Variants in RAB38 observed in about 807,000 individuals in gnomAD.
The protein encoded by RAB38 is RAB38, member RAS oncogene family, also known as ras-related protein Rab-38.
Under a neutral mutation model 18.4 loss-of-function variants are expected in RAB38, and 15 were observed. The ratio of observed to expected loss-of-function variants is 0.82; its 90% confidence interval spans 0.55 to 1.26. The LOEUF is 1.26. Ranked by LOEUF, RAB38 falls within the 50% of genes most tolerant of loss-of-function variation. The pLI is 0.00. For missense variants in RAB38, 294 were observed against 267.4 expected (o/e 1.10, Z -0.69); for synonymous variants, 101 against 104.4 (o/e 0.97, Z 0.20).
At chr11:88,015,935 T>C in the RAB38 span, among the ~76,000 whole-genome samples, 1 of 152,156 alleles carries the variant, frequency 6.6e-6, no homozygotes, top group Non-Finnish European at 1.5e-5. Flanking sequence ...GAGATAGAGA[T>C]CCTTGTACTT....
the RAB38 span, among the ~76,000 whole-genome samples, chr11:87,944,679 T>A: frequency 3.5e-4 from 54 of 152,298 alleles, no homozygotes; most frequent in African/African-American, 1.2e-3. Context: ...TTTTCTACTC[T>A]ATACCTTCCA....
chr11:87,899,771 C>T, the RAB38 span, among the ~76,000 whole-genome samples: 8 of 151,618 alleles, frequency 5.3e-5, no homozygotes, highest in African/African-American at 1.9e-4. Context: ...ATAAACAGTT[C>T]TTTAAGTGTA....
At chr11:88,033,930 T>G in the RAB38 span, among the ~76,000 whole-genome samples, 1 of 152,028 alleles carries the variant, frequency 6.6e-6, no homozygotes, top group East Asian at 1.9e-4. Context: ...AGTTTCAACG[T>G]GTTAGCCAGG....
chr11:87,862,492 A>C, the RAB38 span, among the ~76,000 whole-genome samples: 1 of 151,868 alleles, frequency 6.6e-6, no homozygotes, highest in South Asian at 2.1e-4. Context: ...GGAACAACAC[A>C]CACTGGGGCC....
At chr11:88,159,047 C>A (rs778602337) in intron 1 of RAB38, among the ~76,000 whole-genome samples, 3 of 151,766 alleles carry the variant, frequency 2.0e-5, no homozygotes, top group Non-Finnish European at 4.4e-5. Context: ...TAAATGACTT[C>A]AGTAAAATTT....
chr11:88,040,401 C>A, the RAB38 span, among the ~76,000 whole-genome samples: 1 of 152,114 alleles, frequency 6.6e-6, no homozygotes. Context: ...CCTCATTCTA[C>A]CTTAATTACC....
chr11:87,920,894 A>G, the RAB38 span, among the ~76,000 whole-genome samples: 1 of 152,032 alleles, frequency 6.6e-6, no homozygotes, highest in African/African-American at 2.4e-5. Context: ...TTTAGTACAT[A>G]TTATATAAAT....
intron 1 of RAB38, among the ~76,000 whole-genome samples, chr11:88,161,251 T>C (rs1441825882): frequency 1.3e-5 from 2 of 152,060 alleles, no homozygotes; most frequent in Non-Finnish European, 2.9e-5. Flanking sequence ...TAAATTACTT[T>C]CCAGATTTTC....
At chr11:88,023,433 T>C in the RAB38 span, among the ~76,000 whole-genome samples, 3 of 151,828 alleles carry the variant, frequency 2.0e-5, no homozygotes, top group Admixed American at 6.6e-5. Context: ...TCCATGTTAA[T>C]GGACTGGAAG....
the RAB38 span, among the ~76,000 whole-genome samples, chr11:87,892,261 T>A: frequency 4.3e-4 from 66 of 151,942 alleles, no homozygotes; most frequent in African/African-American, 1.5e-3. Context: ...ATCTTGAACG[T>A]TACTTTTCTA....
the RAB38 span, among the ~76,000 whole-genome samples, chr11:87,938,492 C>T: frequency 1.3e-5 from 2 of 152,154 alleles, no homozygotes; most frequent in South Asian, 2.1e-4. Flanking sequence ...AGTCCAGTTT[C>T]CCACTTGCGT....
the RAB38 span, among the ~76,000 whole-genome samples, chr11:87,860,475 G>T: frequency 6.6e-6 from 1 of 151,916 alleles, no homozygotes; most frequent in Non-Finnish European, 1.5e-5. Flanking sequence ...TTTTAGAGAA[G>T]AGAGTGGACA....
downstream of RAB38, among the ~76,000 whole-genome samples, chr11:88,109,655 C>T (rs111885123): frequency 0.074 from 11,227 of 152,054 alleles, 711 homozygotes; most frequent in African/African-American, 0.17. Context: ...AATCTACAAA[C>T]AACTTAAACA....
rs751684873 is a variant in RAB38 at position 88,113,981 on chromosome 11, G to A, written c.*7C>T. 6.2e-6 allele frequency: 10 copies of A among 1,613,938 alleles called. No individual in the cohort carries two copies. The African/African-American group carries it at 1.1e-4, about 17-fold the overall frequency. On this transcript the variant is annotated 3_prime_UTR_variant, in exon 3 of 3. Transcript: ENST00000243662. ...TCATTCCTACCAGACACCAGCAAAG[G>A]TGCCTACTAGGATTTGGCACAGCCA...
intron 1 of RAB38, among the ~76,000 whole-genome samples, chr11:88,162,696 T>C (rs973937732): frequency 1.3e-5 from 2 of 152,096 alleles, no homozygotes; most frequent in Admixed American, 1.3e-4. Flanking sequence ...TTTTGTTCTA[T>C]AACTAGAAAA....
rs1027538135 is a variant in RAB38 at position 88,136,558 on chromosome 11, A to G, written c.483+13117T>C. Reference sequence around the variant, plus strand: ...GAAAGTTAACATTGGTTCTGACAGAAGAGACAGGGCCTTTGTCTACTGGCT... The same window carrying G: ...GAAAGTTAACATTGGTTCTGACAGAGGAGACAGGGCCTTTGTCTACTGGCT... On this transcript the variant is annotated intron_variant, in intron 2 of 2. Coordinates refer to ENST00000243662, the MANE Select transcript of RAB38 (RefSeq NM_022337.3). Among the ~76,000 whole-genome samples, 4 of 152,244 alleles carry G rather than the reference A, an allele frequency of 2.6e-5. No homozygotes were observed. In the East Asian group the frequency reaches 7.7e-4, roughly 29 times the overall value.
At chr11:88,072,628 C>A in the RAB38 span, among the ~76,000 whole-genome samples, 1 of 152,014 alleles carries the variant, frequency 6.6e-6, no homozygotes, top group African/African-American at 2.4e-5. Flanking sequence ...AATAAGAATC[C>A]ACTGAATAAA....
chr11:87,933,187 G>A, the RAB38 span, among the ~76,000 whole-genome samples: 5 of 152,106 alleles, frequency 3.3e-5, no homozygotes, highest in Non-Finnish European at 7.4e-5. Context: ...TCAGAGATAT[G>A]AAAAGAAATT....
chr11:88,016,907 AT>A, the RAB38 span, among the ~76,000 whole-genome samples: 1 of 152,092 alleles, frequency 6.6e-6, no homozygotes, highest in African/African-American at 2.4e-5. Flanking sequence ...AAGAGATTTA[AT>A]CCTGCCTTCA....
Sources: allele counts gnomAD v4.1 joint callset (sites outside exome capture counted in the v4.1 genomes callset), GRCh38; gene constraint gnomAD v4.1.1; transcripts MANE v1.5; gene names NCBI Gene and HGNC (gene_info 2026-07-23, HGNC 2026-07-21).